NEMP1: variants seen among roughly 807,000 people sequenced by gnomAD.
NEMP1 encodes the protein transmembrane protein 194.
NEMP1 carries 29 observed loss-of-function variants against 53.7 expected under a neutral mutation model. The observed-to-expected ratio is 0.54, with a 90% CI of 0.40 to 0.74. The LOEUF (loss-of-function observed/expected upper bound fraction) is 0.74, where lower values mean the gene tolerates loss of function less well. Ranked by LOEUF, NEMP1 falls within the 30% of genes least tolerant of loss-of-function variation. NEMP1 has a pLI of 0.00. For synonymous variants in NEMP1, 193 were observed against 192.9 expected (o/e 1.00, Z 0.00); for missense variants, 477 against 528.6 (o/e 0.90, Z 0.96).
Position 57,059,869 on chromosome 12 carries a change from T to C in NEMP1, c.*10A>G, listed in dbSNP as rs2031710510. The C allele has an allele frequency of 6.2e-7, 1 of 1,611,618 alleles. No individual in the cohort carries two copies. Among genetic ancestry groups the C allele is most frequent in the Non-Finnish European group, 8.5e-7 (1 of 1,178,900 alleles). On this transcript the variant is annotated 3_prime_UTR_variant, in exon 9 of 9. Transcript: ENST00000300128. Reference sequence around the variant, plus strand: ...CCAAGCCAGTCCACGTAAAGATAACTGACCACTACCTAGGTTAGAAAGTTG... The same window carrying C: ...CCAAGCCAGTCCACGTAAAGATAACCGACCACTACCTAGGTTAGAAAGTTG...
chr12:57,071,560 G>A (rs553014335), intron 2 of NEMP1, among the ~76,000 whole-genome samples: 1 of 152,186 alleles, frequency 6.6e-6, no homozygotes, highest in East Asian at 1.9e-4. Flanking sequence ...TGTATTTTTA[G>A]TAGAGACGGG....
At chr12:57,087,764 G>C (rs1021602623) in intron 1 of NEMP1, among the ~76,000 whole-genome samples, 1 of 151,834 alleles carries the variant, frequency 6.6e-6, no homozygotes, top group African/African-American at 2.4e-5. Context: ...TCAGAAGTGC[G>C]GACAGAGAGG....
intron 4 of NEMP1, 64 bp downstream of exon 4, chr12:57,069,170 A>T: frequency 8.7e-7 from 1 of 1,153,204 alleles, no homozygotes; most frequent in Non-Finnish European, 1.2e-6. Context: ...CTTAATAGTT[A>T]CTATAAAACG....
At chr12:57,083,000 AGAGT>A (rs2136528822), upstream of NEMP1, among the ~76,000 whole-genome samples, 2 of 152,338 alleles carry the variant, frequency 1.3e-5, no homozygotes, top group South Asian at 4.1e-4. Context: ...CCTAGGTGAC[AGAGT>A]GAGACCCTGT....
Position 57,058,908 on chromosome 12 carries a change from A to C in NEMP1, c.*971T>G, listed in dbSNP as rs1486942640. ...TAGCAACTCAAAGATAACATGACCC[A>C]ATGACAGGAAAATGGAGAACGTATA... On this transcript the variant is annotated 3_prime_UTR_variant, in exon 9 of 9. Transcript: ENST00000300128. 6.6e-6 allele frequency: 1 copy of C among 152,226 alleles called. No individual in the cohort carries two copies. Among genetic ancestry groups the C allele is most frequent in the Non-Finnish European group, 1.5e-5 (1 of 68,056 alleles). The allele number at this position is 152,226 out of a possible 1,614,324, so 9.4% of individuals were successfully genotyped here.
At position 57,059,978 on chromosome 12, in the gene NEMP1, G is replaced by T. The variant is rs917836945; in HGVS notation, c.1236C>A (p.Ser412Arg). ...SVHEQEYGLG[S>R]IIAQDEIYEE... ...CATAGATTTCATCCTGGGCAATAAT[G>T]CTCCCTAATCCATACTCCTGCTCAT... is the stretch of plus-strand genomic sequence containing the variant. The change falls in exon 9 of 9, where the codon AGC (serine) becomes AGA (arginine). Residue 412 changes from serine (S) to arginine (R), a missense_variant. Physicochemically the swap from Ser to Arg is moderately radical, Grantham distance 110. Coordinates refer to ENST00000300128, the MANE Select transcript of NEMP1 (RefSeq NM_001130963.2). 2 of 1,613,692 alleles carry T rather than the reference G, an allele frequency of 1.2e-6. No homozygotes were observed. Among genetic ancestry groups the T allele is most frequent in the African/African-American group, 2.7e-5 (2 of 74,900 alleles).
At chr12:57,062,037 A>G (rs149575918) in intron 7 of NEMP1, among the ~76,000 whole-genome samples, 1,863 of 152,294 alleles carry the variant, frequency 0.012, 21 homozygotes, top group Non-Finnish European at 0.018. Context: ...GGTTTCCCAA[A>G]CTGAAAGCAT....
At position 57,064,682 on chromosome 12, in the gene NEMP1, T is replaced by G; in HGVS notation, c.603A>C (p.Leu201=). Residue 201 remains leucine, a synonymous_variant, in exon 5 of 9, where the codon CTA becomes CTC. Transcript: ENST00000300128. ...ACTTAGATAGTATAAAAATGATGAT[T>G]AGCAGAGAGGCCACAATTCCCACAG... ...GMTVGIVASL[L]IIIFILSKFM... The G allele has an allele frequency of 6.2e-7, 1 of 1,612,954 alleles. No individual in the cohort carries two copies. The highest frequency in any genetic ancestry group is 1.1e-5 in the South Asian group (1 of 90,862).
Position 57,070,891 on chromosome 12 carries a change from G to A in NEMP1, c.255C>T (p.Ile85=). The stretch of plus-strand genomic sequence containing the variant: ...GAACCAATCTGGAACTATTTACTCG[G>A]ATCTGTAACACAAATAAAATCAGGA... ...KWHDIWTRIQ[I]RVNSSRLVRV... Residue 85 remains isoleucine, a splice_region_variant and synonymous_variant, in exon 3 of 9, where the codon ATC becomes ATT. Transcript: ENST00000300128. 6.2e-7 allele frequency: 1 copy of A among 1,604,440 alleles called. No homozygotes were observed. Among genetic ancestry groups the A allele is most frequent in the South Asian group, 1.1e-5 (1 of 89,508 alleles).
chr12:57,073,069 A>G (rs1199164061), intron 1 of NEMP1, among the ~76,000 whole-genome samples, 157 bp from the exon 2 acceptor site: 1 of 152,234 alleles, frequency 6.6e-6, no homozygotes, highest in Non-Finnish European at 1.5e-5. Context: ...AGGAAGAACT[A>G]AGGCAGAATC....
chr12:57,060,956 C>G lies in NEMP1; in HGVS notation c.981-11G>C. 6.2e-7 allele frequency: 1 copy of G among 1,610,022 alleles called. No individual in the cohort carries two copies. The highest frequency in any genetic ancestry group is 8.5e-7 in the Non-Finnish European group (1 of 1,178,700). On this transcript the variant is annotated splice_polypyrimidine_tract_variant and intron_variant, in intron 7 of 8. Transcript: ENST00000300128. The stretch of plus-strand genomic sequence containing the variant: ...CCCTTACACACCTTTCTGTGCTCAC[C>G]AAAATAACATTATGAATCATTAATC...
intron 1 of NEMP1, among the ~76,000 whole-genome samples, chr12:57,078,012 G>C (rs982423554): frequency 6.6e-6 from 1 of 152,114 alleles, no homozygotes; most frequent in African/African-American, 2.4e-5. Context: ...AACCCAGGAG[G>C]CGGAGGTTGC....
chr12:57,069,961 C>T (rs1480705375), intron 3 of NEMP1, among the ~76,000 whole-genome samples: 1 of 151,574 alleles, frequency 6.6e-6, no homozygotes, highest in African/African-American at 2.4e-5. Context: ...ACAAGCCAAC[C>T]CTACGTAACC....
intron 1 of NEMP1, among the ~76,000 whole-genome samples, chr12:57,087,497 G>A (rs977678886): frequency 6.6e-6 from 1 of 152,102 alleles, no homozygotes; most frequent in Non-Finnish European, 1.5e-5. Flanking sequence ...AGCGTCCCCA[G>A]GGGAGCCCGT....
At chr12:57,065,448 C>G (rs557736708) in intron 4 of NEMP1, among the ~76,000 whole-genome samples, 1 of 152,160 alleles carries the variant, frequency 6.6e-6, no homozygotes, top group African/African-American at 2.4e-5. Context: ...TTAATTGTAG[C>G]CACTTTCAAC....
At chr12:57,087,689 G>A (rs79861589) in intron 1 of NEMP1, among the ~76,000 whole-genome samples, 5,151 of 152,088 alleles carry the variant, frequency 0.034, 296 homozygotes, top group African/African-American at 0.12. Context: ...CTCCTCGCTA[G>A]GCCACATTGT....
chr12:57,074,394 C>T (rs757664886), intron 1 of NEMP1, among the ~76,000 whole-genome samples: 20 of 151,450 alleles, frequency 1.3e-4, no homozygotes, highest in South Asian at 6.2e-4. Context: ...CAGGTTCCAG[C>T]GATTCTCCCA....
rs1222895730 is a variant in NEMP1, at chr12:57,056,881, G to C, written c.*2998C>G. The C allele has an allele frequency of 2.0e-5, 3 of 152,170 alleles. No individual in the cohort carries two copies. The highest frequency in any genetic ancestry group is 4.8e-5 in the African/African-American group (2 of 41,436). The allele number at this position is 152,170 out of a possible 1,614,324, so 9.4% of individuals were successfully genotyped here. On this transcript the variant is annotated 3_prime_UTR_variant, in exon 9 of 9. Transcript: ENST00000300128. The stretch of plus-strand genomic sequence containing the variant: ...GAATGGAATCTATTAGCATAAAATG[G>C]AACAGTGGGACCCAAAGAGCTATCA...
chr12:57,084,860 A>T (rs537009104), intron 1 of NEMP1, among the ~76,000 whole-genome samples: 9 of 152,370 alleles, frequency 5.9e-5, no homozygotes, highest in Non-Finnish European at 8.8e-5. Context: ...GAATCTAACA[A>T]AATGGTAGTT....
Sources: allele counts gnomAD v4.1 joint callset (sites outside exome capture counted in the v4.1 genomes callset), GRCh38; gene constraint gnomAD v4.1.1; transcripts MANE v1.5; gene names NCBI Gene and HGNC (gene_info 2026-07-23, HGNC 2026-07-21).